Variants in LSM3 observed in about 807,000 individuals in gnomAD.
LSM3 encodes the protein LSM3 homolog, U6 small nuclear RNA and mRNA degradation associated.
A neutral mutation model predicts 15.4 loss-of-function variants in LSM3; 14 were observed. The ratio of observed to expected loss-of-function variants is 0.91; its 90% CI spans 0.60 to 1.42. The LOEUF (loss-of-function observed/expected upper bound fraction) is 1.42, where lower values mean the gene tolerates loss of function less well. Ranked by LOEUF, LSM3 falls within the 40% of genes most tolerant of loss-of-function variation. The pLI is 0.00. For synonymous variants in LSM3, 46 were observed against 45.1 expected, an observed-to-expected ratio of 1.02 and a Z score of -0.08; for missense variants, 88 against 127.9, an observed-to-expected ratio of 0.69 and a Z score of 1.50.
chr3:14,183,006 A>G (rs1333176988), intron 2 of LSM3, among the ~76,000 whole-genome samples: 3 of 152,240 alleles, frequency 2.0e-5, no homozygotes, highest in Middle Eastern at 3.2e-3. Flanking sequence ...ACTCCAGGAA[A>G]GGAATGGTGG....
intron 3 of LSM3, among the ~76,000 whole-genome samples, chr3:14,192,581 T>C (rs1487287342): frequency 1.3e-5 from 2 of 152,244 alleles, no homozygotes; most frequent in East Asian, 3.8e-4. Flanking sequence ...GTCTGTTTTA[T>C]TACAGATTAG....
chr3:14,198,358 A>T lies in LSM3; in HGVS notation c.*242A>T. On this transcript the variant is annotated 3_prime_UTR_variant, in exon 4 of 4. Coordinates refer to ENST00000306024, the MANE Select transcript of LSM3 (RefSeq NM_014463.3). ...CACCAAGATGCAGAACTCTTTCAGG[A>T]CTTCTTTTGCTCCATTATTCTCACA... The T allele has an allele frequency of 2.0e-6, 1 of 491,898 alleles. No homozygotes were observed. Among genetic ancestry groups the T allele is most frequent in the Non-Finnish European group, 3.6e-6 (1 of 278,638 alleles). 30.5% of individuals were successfully genotyped at this position (491,898 alleles called of 1,614,324 possible). A position where few individuals can be genotyped will look rare whatever the true frequency, so the allele number is the denominator to read the frequency against.
rs1697213155 is a variant in LSM3 at position 14,199,140 on chromosome 3, G to A, written c.*1024G>A. On this transcript the variant is annotated 3_prime_UTR_variant, in exon 4 of 4. Transcript: ENST00000306024. Reference sequence around the variant, plus strand: ...TTGATCATAACCTGTTTATAATTATGACTCAGACCATTTTTCCACTCTTGG... The same window carrying A: ...TTGATCATAACCTGTTTATAATTATAACTCAGACCATTTTTCCACTCTTGG... The A allele has an allele frequency of 6.6e-6, 1 of 152,114 alleles. No homozygotes were observed. The highest frequency in any genetic ancestry group is 6.6e-5 in the Admixed American group (1 of 15,258). The allele number at this position is 152,114 out of a possible 1,614,324, so 9.4% of individuals were successfully genotyped here. A position where few individuals can be genotyped will look rare whatever the true frequency, so the allele number is the denominator to read the frequency against.
chr3:14,189,299 AT>A, intron 3 of LSM3, among the ~76,000 whole-genome samples: 1 of 152,156 alleles, frequency 6.6e-6, no homozygotes, highest in African/African-American at 2.4e-5. Context: ...ATGATTTATA[AT>A]CCTTTGGGTA....
chr3:14,191,287 G>T (rs1471025472), intron 3 of LSM3, among the ~76,000 whole-genome samples: 1 of 152,096 alleles, frequency 6.6e-6, no homozygotes, highest in Non-Finnish European at 1.5e-5. Flanking sequence ...TCAGGATGAT[G>T]CTGGCCTCAT....
At chr3:14,188,628 T>A (rs930214582) in intron 3 of LSM3, among the ~76,000 whole-genome samples, 2 of 151,976 alleles carry the variant, frequency 1.3e-5, no homozygotes, top group African/African-American at 2.4e-5. Flanking sequence ...CTTCCCCTGT[T>A]TTTTTATCAC....
intron 3 of LSM3, among the ~76,000 whole-genome samples, chr3:14,192,914 T>G (rs1697153781): frequency 6.6e-6 from 1 of 152,176 alleles, no homozygotes; most frequent in Non-Finnish European, 1.5e-5. Context: ...GTGGCTGGTA[T>G]TGGTTGTTCC....
intron 3 of LSM3, among the ~76,000 whole-genome samples, chr3:14,193,411 C>T (rs1356627420): frequency 6.6e-6 from 1 of 152,208 alleles, no homozygotes; most frequent in East Asian, 1.9e-4. Flanking sequence ...CTTTGAGGTA[C>T]ACCAATCAAA....
intron 3 of LSM3, 140 bp downstream of exon 3, chr3:14,184,172 G>A (rs1697065240): frequency 2.6e-6 from 3 of 1,158,216 alleles, no homozygotes; most frequent in Non-Finnish European, 3.4e-6. Context: ...AAAAGCAAGG[G>A]TTCTGGCATC....
In LSM3 at chr3:14,180,820, C is replaced by CTTTTTTTTTTTTTTTTTTT. The variant is rs1436714313; in HGVS notation, c.22-740_22-739insTTTTTTTTTTTTTTTTTTT. Reference sequence around the variant, plus strand: ...TGACTCCAAAGCCAGTGCTTGCTTGCCTTTTTTTTTTTTTTTTTTTTTTTT... The same window carrying CTTTTTTTTTTTTTTTTTTT: ...TGACTCCAAAGCCAGTGCTTGCTTGCTTTTTTTTTTTTTTTTTTTCTTTTTTTTTTTTTTTTTTTTTTTT... On this transcript the variant is annotated intron_variant, in intron 1 of 3. Transcript: ENST00000306024. 3.9e-5 allele frequency among the ~76,000 whole-genome samples: 2 copies of CTTTTTTTTTTTTTTTTTTT among 51,398 alleles called. 1 individual carries two copies. The highest frequency in any genetic ancestry group is 5.7e-4 in the Admixed American group (2 of 3,522). The allele number at this position is 51,398 out of a possible 152,430, so 33.7% of individuals were successfully genotyped here.
rs1436714313 is a variant in LSM3, at chr3:14,180,820, C to CTTTTTTTTTTTT, written c.22-740_22-739insTTTTTTTTTTTT. Among the ~76,000 whole-genome samples the CTTTTTTTTTTTT allele has an allele frequency of 1.8e-4, 9 of 51,418 alleles. 3 individuals are homozygous for CTTTTTTTTTTTT. The highest frequency in any genetic ancestry group is 6.9e-4 in the African/African-American group (9 of 13,092). The allele number at this position is 51,418 out of a possible 152,430, so 33.7% of individuals were successfully genotyped here. On this transcript the variant is annotated intron_variant, in intron 1 of 3. Coordinates refer to ENST00000306024, the MANE Select transcript of LSM3 (RefSeq NM_014463.3). ...TGACTCCAAAGCCAGTGCTTGCTTG[C>CTTTTTTTTTTTT]CTTTTTTTTTTTTTTTTTTTTTTTT... is the stretch of plus-strand genomic sequence containing the variant.
intron 1 of LSM3, among the ~76,000 whole-genome samples, chr3:14,180,810 T>A (rs1364285374): frequency 7.5e-6 from 1 of 132,898 alleles, no homozygotes; most frequent in Admixed American, 8.2e-5. Context: ...CCAAAGCCAG[T>A]GCTTGCTTGC....
At chr3:14,179,013 T>TA (rs1209711959) in intron 1 of LSM3, 132 bp downstream of exon 1, 8 of 970,414 alleles carry the variant, frequency 8.2e-6, no homozygotes, top group Admixed American at 2.2e-5. Context: ...GTCCTTTCCG[T>TA]AACCCCCCCT....
chr3:14,187,524 T>C (rs1165749364), intron 3 of LSM3, among the ~76,000 whole-genome samples: 1 of 152,256 alleles, frequency 6.6e-6, no homozygotes, highest in East Asian at 1.9e-4. Context: ...AGTGATATTA[T>C]AGAGAGTGTC....
chr3:14,192,204 T>C (rs1014750256), intron 3 of LSM3, among the ~76,000 whole-genome samples: 3 of 152,248 alleles, frequency 2.0e-5, no homozygotes, highest in Admixed American at 6.5e-5. Flanking sequence ...CTTCCAATTA[T>C]GTGGTCAATT....
chr3:14,188,239 T>C (rs1697108258), intron 3 of LSM3, among the ~76,000 whole-genome samples: 1 of 152,198 alleles, frequency 6.6e-6, no homozygotes, highest in African/African-American at 2.4e-5. Context: ...TTTTATTTAA[T>C]TTTAATTTAA....
At chr3:14,186,178 T>G (rs1697087860) in intron 3 of LSM3, among the ~76,000 whole-genome samples, 1 of 152,248 alleles carries the variant, frequency 6.6e-6, no homozygotes, top group Non-Finnish European at 1.5e-5. Flanking sequence ...GGAGCCACTA[T>G]GCCAGGCCGT....
At chr3:14,190,791 G>T (rs774820512) in intron 3 of LSM3, among the ~76,000 whole-genome samples, 6 of 152,050 alleles carry the variant, frequency 3.9e-5, no homozygotes, top group African/African-American at 1.5e-4. Context: ...GCTTTCTCTT[G>T]CCTGATTGCC....
chr3:14,182,763 G>A (rs998465958), intron 2 of LSM3, among the ~76,000 whole-genome samples: 19 of 152,194 alleles, frequency 1.2e-4, no homozygotes, highest in African/African-American at 4.6e-4. Flanking sequence ...ACCCTATGAT[G>A]ATACATACTA....
Sources: gnomAD v4.1 joint callset for allele counts (sites outside exome capture counted in the v4.1 genomes callset) on GRCh38, gnomAD v4.1.1 for gene constraint, MANE v1.5 for transcripts, NCBI Gene and HGNC (gene_info 2026-07-23, HGNC 2026-07-21) for gene names.